Variants in AFF2 observed in about 807,000 individuals in gnomAD.
The protein encoded by AFF2 is ALF transcription elongation factor 2, also known as AF4/FMR2 family member 2.
In AFF2, 14 loss-of-function variants were observed where a neutral mutation model predicts 76.9. The ratio of observed to expected loss-of-function variants is 0.18; its 90% CI spans 0.12 to 0.28. The LOEUF is 0.28. AFF2 is among the 10% of genes least tolerant of loss of function. The probability of loss-of-function intolerance (pLI) is 1.00; values close to 1 mark genes in which losing one functional copy is unlikely to be tolerated. For missense variants in AFF2, 868 were observed against 1,001.1 expected, an observed-to-expected ratio of 0.87 and a Z score of 1.79; for synonymous variants, 398 against 366.7, an observed-to-expected ratio of 1.09 and a Z score of -0.98.
intron 9 of AFF2, among the ~76,000 whole-genome samples, chrX:148,913,047 T>G (rs900674668): frequency 4.4e-5 from 5 of 113,222 alleles, no homozygotes; most frequent in African/African-American, 9.6e-5. Flanking sequence ...GGGCTCTTAA[T>G]GTTGTTCAGA....
chrX:148,693,938 G>A (rs1243806495), intron 3 of AFF2, among the ~76,000 whole-genome samples: 1 of 111,544 alleles, frequency 9.0e-6, no homozygotes, highest in Non-Finnish European at 1.9e-5. Context: ...AACAATGATA[G>A]ACTGGATTAA....
rs1344231145 is a variant in AFF2 at position 148,996,419 on chromosome X, G to A, written c.*5087G>A. On this transcript the variant is annotated 3_prime_UTR_variant, in exon 21 of 21. Transcript: ENST00000370460. The stretch of plus-strand genomic sequence containing the variant: ...TTTAGATGATTTTAAGCTACCAACT[G>A]TGATGTCACTGAACACATGGTTGGA... The A allele has an allele frequency of 1.8e-5, 2 of 112,831 alleles. No homozygotes were observed. Among genetic ancestry groups the A allele is most frequent in the African/African-American group, 3.2e-5 (1 of 31,034 alleles). The allele number at this position is 112,831 out of a possible 1,213,427, so 9.3% of individuals were successfully genotyped here. A position where few individuals can be genotyped will look rare whatever the true frequency, so the allele number is the denominator to read the frequency against.
rs187548203 is a variant in AFF2 at position 148,682,765 on chromosome X, C to T, written c.1041+19997C>T. Among the ~76,000 whole-genome samples, 5 of 112,076 alleles carry T rather than the reference C, an allele frequency of 4.5e-5. No homozygotes were observed. The East Asian group carries it at 1.4e-3, about 31-fold the overall frequency. On this transcript the variant is annotated intron_variant, in intron 3 of 20. Transcript: ENST00000370460. ...ATTTGGTTTACCAATAGTTAACATTCTATATTTTTTAGCAAAAACATATTA... is the reference window on the plus strand; with the variant it reads ...ATTTGGTTTACCAATAGTTAACATTTTATATTTTTTAGCAAAAACATATTA...
chrX:148,555,171 C>G (rs1374409638), intron 1 of AFF2, among the ~76,000 whole-genome samples: 9 of 111,881 alleles, frequency 8.0e-5, no homozygotes, highest in Non-Finnish European at 1.5e-4. Flanking sequence ...TCTCCTGGCC[C>G]CTGACACTCA....
chrX:148,552,568 T>C (rs1191345520), intron 1 of AFF2, among the ~76,000 whole-genome samples: 1 of 112,314 alleles, frequency 8.9e-6, no homozygotes, highest in Non-Finnish European at 1.9e-5. Flanking sequence ...CAGGCAAGCA[T>C]AGCAGAGGTA....
At chrX:148,568,460 C>G in intron 1 of AFF2, among the ~76,000 whole-genome samples, 1 of 112,070 alleles carries the variant, frequency 8.9e-6, no homozygotes. Context: ...AAAGCAAATA[C>G]TTTTCTAAAG....
chrX:148,554,326 G>T (rs1461407419), intron 1 of AFF2, among the ~76,000 whole-genome samples: 6 of 112,066 alleles, frequency 5.4e-5, no homozygotes, highest in African/African-American at 1.9e-4. Context: ...TTCTCTTAAA[G>T]TTTGACATCC....
chrX:148,911,684 G>A (rs781994473), intron 9 of AFF2, among the ~76,000 whole-genome samples: 1 of 112,231 alleles, frequency 8.9e-6, no homozygotes, highest in Admixed American at 9.4e-5. Flanking sequence ...ACAAAATCGA[G>A]TGTTGTTGCT....
intron 5 of AFF2, among the ~76,000 whole-genome samples, chrX:148,839,384 T>C (rs782369369): frequency 8.9e-6 from 1 of 112,384 alleles, no homozygotes; most frequent in African/African-American, 3.2e-5. Flanking sequence ...TGGCACCATG[T>C]GCCTCACGTC....
At chrX:148,598,711 G>C (rs2053599219) in intron 1 of AFF2, among the ~76,000 whole-genome samples, 2 of 112,334 alleles carry the variant, frequency 1.8e-5, no homozygotes, top group Non-Finnish European at 3.8e-5. Context: ...AGTAGAGATA[G>C]AATCTAATGG....
intron 3 of AFF2, chrX:148,719,149 G>A: frequency 8.7e-7 from 1 of 1,146,049 alleles, no homozygotes; most frequent in Non-Finnish European, 1.2e-6. Flanking sequence ...TATCCCAGAT[G>A]TAAGATATGC....
chrX:148,680,756 G>A (rs1366790569), intron 3 of AFF2, among the ~76,000 whole-genome samples: 6 of 111,267 alleles, frequency 5.4e-5, no homozygotes, highest in Non-Finnish European at 3.8e-5. Context: ...TACCCTGGGA[G>A]CCCAGAGCAG....
At position 148,955,993 on chromosome X, in the gene AFF2, A is replaced by G; in HGVS notation, c.1948A>G (p.Ile650Val). 4 of 1,211,419 alleles carry G rather than the reference A, an allele frequency of 3.3e-6. No homozygotes were observed. Among genetic ancestry groups the G allele is most frequent in the Non-Finnish European group, 4.5e-6 (4 of 895,475 alleles). Residue 650 changes from isoleucine (I) to valine (V), a missense_variant, in exon 11 of 21, where the codon ATT becomes GTT. By Grantham distance (29) the Ile-to-Val change is conservative. This residue lies in a region of AFF2 where 532 missense variants were observed against 564.2 expected (regional missense o/e 0.94). Transcript: ENST00000370460. Reference protein sequence around the residue: ...TDEFTWPKPNITSSTPKEKES... With the variant: ...TDEFTWPKPNVTSSTPKEKES... ...CGAGTTTACCTGGCCCAAACCAAATATTACCAGCAGCACTCCCAAAGAAAA... is the reference window on the plus strand; with the variant it reads ...CGAGTTTACCTGGCCCAAACCAAATGTTACCAGCAGCACTCCCAAAGAAAA...
intron 3 of AFF2, among the ~76,000 whole-genome samples, chrX:148,732,454 T>C (rs1246371553): frequency 1.2e-5 from 1 of 83,421 alleles, no homozygotes; most frequent in Non-Finnish European, 2.3e-5. Flanking sequence ...AGGGGTAGCA[T>C]TGGGAGATAT....
intron 3 of AFF2, among the ~76,000 whole-genome samples, chrX:148,784,885 C>T (rs782385675): frequency 2.7e-5 from 3 of 111,370 alleles, no homozygotes; most frequent in Admixed American, 9.5e-5. Flanking sequence ...TCTCCATGCA[C>T]GGGCTGCCCC....
chrX:148,704,316 A>G (rs868990375), intron 3 of AFF2, among the ~76,000 whole-genome samples: 116 of 69,058 alleles, frequency 1.7e-3, no homozygotes, highest in Middle Eastern at 8.7e-3. Flanking sequence ...ATATGTGTGT[A>G]TATATATATT....
intron 9 of AFF2, among the ~76,000 whole-genome samples, chrX:148,916,954 G>C (rs1161804112): frequency 2.7e-5 from 3 of 112,109 alleles, no homozygotes; most frequent in African/African-American, 9.7e-5. Flanking sequence ...AACATCTAAG[G>C]ATATCACTTT....
intron 3 of AFF2, among the ~76,000 whole-genome samples, chrX:148,665,532 G>C (rs241113): frequency 0.19 from 20,626 of 110,782 alleles, 1,421 homozygotes; most frequent in Non-Finnish European, 0.2. Flanking sequence ...AGAACCCAAG[G>C]GTAATGTGAA....
intron 5 of AFF2, among the ~76,000 whole-genome samples, chrX:148,839,489 A>C (rs1217208856): frequency 8.9e-6 from 1 of 112,043 alleles, no homozygotes; most frequent in African/African-American, 3.2e-5. Flanking sequence ...AGGAGGAAAC[A>C]TGGTAGTTAA....
Sources: allele counts gnomAD v4.1 joint callset (sites outside exome capture counted in the v4.1 genomes callset), GRCh38; gene constraint gnomAD v4.1.1; regional missense constraint gnomAD v4.1.1; transcripts MANE v1.5; gene names NCBI Gene and HGNC (gene_info 2026-07-23, HGNC 2026-07-21).